The following ADGRL2 variants were observed in gnomAD, a reference collection of about 807,000 sequenced individuals.
ADGRL2 encodes the protein adhesion G protein-coupled receptor L2.
In ADGRL2, 44 loss-of-function variants were observed where a neutral mutation model predicts 157.4. That is an observed-to-expected ratio of 0.28 (90% CI 0.22 to 0.36). The LOEUF (loss-of-function observed/expected upper bound fraction) is 0.36. Ranked by LOEUF, ADGRL2 falls within the 10% of genes least tolerant of loss-of-function variation. The probability of loss-of-function intolerance (pLI) is 1.00; values close to 1 mark genes in which losing one functional copy is unlikely to be tolerated. For synonymous variants in ADGRL2, 585 were observed against 624.7 expected (o/e 0.94, Z 0.95); for missense variants, 1,510 against 1,768.9 (o/e 0.85, Z 2.63).
chr1:81,814,552 A>G (rs1172400230), intron 1 of ADGRL2, among the ~76,000 whole-genome samples: 1 of 151,544 alleles, frequency 6.6e-6, no homozygotes, highest in Non-Finnish European at 1.5e-5. Context: ...ATGCAAAATT[A>G]TAAACCTGCA....
At chr1:81,691,878 G>GTATATATATATATATATATATATATATA (rs755115574) in intron 3 of ADGRL2, among the ~76,000 whole-genome samples, 1,720 of 121,132 alleles carry the variant, frequency 0.014, 34 homozygotes, top group Admixed American at 0.027. Context: ...GTGTGTGTGT[G>GTATATATATATATATATATATATATATA]TGTATATATA....
chr1:81,410,226 A>T (rs1240295594), intron 1 of ADGRL2, among the ~76,000 whole-genome samples: 2 of 152,218 alleles, frequency 1.3e-5, no homozygotes, highest in African/African-American at 4.8e-5. Flanking sequence ...TTTTTGTCAT[A>T]GTCATACAAT....
intron 2 of ADGRL2, chr1:81,505,931 G>A (rs1190427697): frequency 1.4e-5 from 4 of 286,776 alleles, no homozygotes; most frequent in Non-Finnish European, 2.8e-5. Flanking sequence ...CAAAAGATGG[G>A]CCCAAATACT....
intron 2 of ADGRL2, among the ~76,000 whole-genome samples, chr1:81,891,417 T>G (rs2151430405): frequency 6.6e-6 from 1 of 152,244 alleles, no homozygotes; most frequent in African/African-American, 2.4e-5. Flanking sequence ...GGTAAAGCTC[T>G]TCTCAGAAAG....
intron 2 of ADGRL2, among the ~76,000 whole-genome samples, chr1:81,489,783 G>C (rs2078590428): frequency 6.6e-6 from 1 of 152,184 alleles, no homozygotes; most frequent in South Asian, 2.1e-4. Context: ...AGAAATTGTA[G>C]AGGCCCAACA....
chr1:81,380,637 T>C (rs2076328266), intron 1 of ADGRL2, among the ~76,000 whole-genome samples: 1 of 152,222 alleles, frequency 6.6e-6, no homozygotes, highest in Non-Finnish European at 1.5e-5. Context: ...CCTCTCTATT[T>C]TCCTGACTTA....
At chr1:81,363,862 C>T (rs1023931797) in intron 1 of ADGRL2, among the ~76,000 whole-genome samples, 2 of 152,090 alleles carry the variant, frequency 1.3e-5, no homozygotes, top group African/African-American at 4.8e-5. Flanking sequence ...AAATGGAAGC[C>T]TGTACATACT....
intron 1 of ADGRL2, among the ~76,000 whole-genome samples, chr1:81,386,626 A>G (rs978138080): frequency 5.9e-5 from 9 of 152,184 alleles, no homozygotes; most frequent in African/African-American, 1.9e-4. Context: ...AAATAGTGTG[A>G]CATGTACTGT....
At chr1:81,384,297 A>T (rs1045307282) in intron 1 of ADGRL2, among the ~76,000 whole-genome samples, 2 of 152,194 alleles carry the variant, frequency 1.3e-5, no homozygotes, top group African/African-American at 2.4e-5. Context: ...GGTAATTAAA[A>T]AGTAGGTTGC....
At chr1:81,821,020 G>A (rs991979952) in intron 1 of ADGRL2, among the ~76,000 whole-genome samples, 2 of 152,094 alleles carry the variant, frequency 1.3e-5, no homozygotes, top group African/African-American at 2.4e-5. Context: ...ATGGCTTGCT[G>A]CTTTTTTATG....
At chr1:81,471,567 A>G (rs973233821) in intron 2 of ADGRL2, among the ~76,000 whole-genome samples, 1 of 152,166 alleles carries the variant, frequency 6.6e-6, no homozygotes, top group East Asian at 1.9e-4. Context: ...GAATTTTATG[A>G]TAATATTTAT....
intron 2 of ADGRL2, among the ~76,000 whole-genome samples, chr1:81,482,195 T>G (rs1428096960): frequency 6.6e-6 from 1 of 152,242 alleles, no homozygotes; most frequent in Non-Finnish European, 1.5e-5. Flanking sequence ...TAGCAGAAAC[T>G]GATATTAGTT....
intron 2 of ADGRL2, among the ~76,000 whole-genome samples, chr1:81,786,292 A>AT (rs2087041485): frequency 6.6e-6 from 1 of 152,208 alleles, no homozygotes; most frequent in South Asian, 2.1e-4. Flanking sequence ...AGTATTCTTA[A>AT]TTTAGCCAGG....
intron 1 of ADGRL2, among the ~76,000 whole-genome samples, chr1:81,326,683 A>G (rs1660922159): frequency 6.6e-6 from 1 of 152,226 alleles, no homozygotes; most frequent in African/African-American, 2.4e-5. Context: ...GTGAACAACA[A>G]GAAGTGACTC....
intron 1 of ADGRL2, among the ~76,000 whole-genome samples, chr1:81,822,158 T>A (rs554561148): frequency 6.6e-6 from 1 of 151,762 alleles, no homozygotes; most frequent in East Asian, 1.9e-4. Context: ...TCTTATAATT[T>A]TGGAGGAGAA....
At chr1:81,420,686 A>G (rs892791411) in intron 1 of ADGRL2, among the ~76,000 whole-genome samples, 2 of 152,136 alleles carry the variant, frequency 1.3e-5, no homozygotes, top group Non-Finnish European at 2.9e-5. Flanking sequence ...TATTGATGGG[A>G]AGTAAACTGT....
chr1:81,495,485 A>G (rs1036617438), intron 2 of ADGRL2, among the ~76,000 whole-genome samples: 1 of 152,180 alleles, frequency 6.6e-6, no homozygotes, highest in Non-Finnish European at 1.5e-5. Context: ...TGCTGCAACA[A>G]AATCCAAAGA....
chr1:81,679,010 C>A lies in ADGRL2; in HGVS notation c.-142-82801C>A, dbSNP rs542371900. Among the ~76,000 whole-genome samples the A allele has an allele frequency of 2.3e-3, 349 of 152,240 alleles. 2 individuals carry two copies. Among genetic ancestry groups the A allele is most frequent in the African/African-American group, 8.0e-3 (331 of 41,532 alleles). On this transcript the variant is annotated intron_variant, in intron 3 of 24. Coordinates refer to the ADGRL2 transcript ENST00000370721. Reference sequence around the variant, plus strand: ...TTATTCAGCATTTATTAGGTAGCCACAGAATATGAGGCATAAACATGACAA... The same window carrying A: ...TTATTCAGCATTTATTAGGTAGCCAAAGAATATGAGGCATAAACATGACAA...
intron 2 of ADGRL2, among the ~76,000 whole-genome samples, chr1:81,475,070 T>TA (rs1405400136): frequency 6.6e-6 from 1 of 152,170 alleles, no homozygotes; most frequent in Non-Finnish European, 1.5e-5. Context: ...CCCCAAGTCT[T>TA]TAGCCTTCTA....
Sources: gnomAD v4.1 joint callset for allele counts (sites outside exome capture counted in the v4.1 genomes callset) on GRCh38, gnomAD v4.1.1 for gene constraint, MANE v1.5 for transcripts, NCBI Gene and HGNC (gene_info 2026-07-23, HGNC 2026-07-21) for gene names.